Variants in ZNF790 observed in about 807,000 individuals in gnomAD.
ZNF790 encodes the protein zinc finger protein 790.
Under a neutral mutation model 12.1 loss-of-function variants are expected in ZNF790, and 8 were observed. That is an observed-to-expected ratio of 0.66 (90% CI 0.39 to 1.19). The LOEUF is 1.19. ZNF790 is among the 50% of genes most tolerant of loss of function. ZNF790 has a pLI of 0.01. For missense variants in ZNF790, 707 were observed against 752.2 expected, an observed-to-expected ratio of 0.94 and a Z score of 0.70; for synonymous variants, 252 against 244.3, an observed-to-expected ratio of 1.03 and a Z score of -0.29.
chr19:36,823,975 C>T (rs2071734960), intron 2 of ZNF790, among the ~76,000 whole-genome samples, 185 bp from the exon 3 acceptor site: 2 of 148,908 alleles, frequency 1.3e-5, no homozygotes, highest in South Asian at 4.2e-4. Flanking sequence ...GTGACAAAAG[C>T]CAAGTGTCTA....
At position 36,819,004 on chromosome 19, in the gene ZNF790, C is replaced by G. The variant is rs761740560; in HGVS notation, c.1340G>C (p.Arg447Thr). Reference sequence around the variant, plus strand: ...ACATTCCTTACATTCATAGGATTTCCTCTCATTGTGAATTTTCTCATGTTG... The same window carrying G: ...ACATTCCTTACATTCATAGGATTTCGTCTCATTGTGAATTTTCTCATGTTG... ...LAQHEKIHNE[R>T]KSYECKECGK... is the part of the protein sequence containing the mutation. Residue 447 changes from arginine (R) to threonine (T), a missense_variant, in exon 5 of 5, where the codon AGG becomes ACG. Transcript: ENST00000356725. The G allele has an allele frequency of 6.2e-7, 1 of 1,613,208 alleles. No individual in the cohort carries two copies. The highest frequency in any genetic ancestry group is 2.2e-5 in the East Asian group (1 of 44,780).
intron 1 of ZNF790, chr19:36,827,502 TA>T (rs1383880815): frequency 6.5e-6 from 1 of 153,992 alleles, no homozygotes; most frequent in Non-Finnish European, 1.5e-5. Flanking sequence ...GACTAATGTA[TA>T]GGAATAGATT....
chr19:36,844,409 T>C (rs2072158739), intron 1 of ZNF790, among the ~76,000 whole-genome samples: 1 of 149,396 alleles, frequency 6.7e-6, no homozygotes, highest in South Asian at 2.1e-4. Flanking sequence ...TAGACCAAAA[T>C]GTGATCCTGG....
chr19:36,823,969 C>A (rs1600651357), intron 2 of ZNF790, 179 bp from the exon 3 acceptor site: 29 of 359,328 alleles, frequency 8.1e-5, no homozygotes, highest in South Asian at 1.0e-4. Flanking sequence ...ATAAGGGTGA[C>A]AAAAGCCAAG....
chr19:36,824,800 CACAA>C (rs1047899006), intron 2 of ZNF790, among the ~76,000 whole-genome samples: 2 of 151,864 alleles, frequency 1.3e-5, no homozygotes, highest in African/African-American at 2.4e-5. Context: ...CTTTACTGGG[CACAA>C]ACAGACTTGT....
Position 36,818,758 on chromosome 19 carries a change from G to C in ZNF790, c.1586C>G (p.Thr529Ser), listed in dbSNP as rs1285060123. The C allele has an allele frequency of 6.2e-7, 1 of 1,611,070 alleles. No individual in the cohort carries two copies. The highest frequency in any genetic ancestry group is 8.5e-7 in the Non-Finnish European group (1 of 1,178,918). ...TTTACATACGTAAGGTTCCTCACCA[G>C]TATGCATTCTCTGATGTCGAGTAAG... ...SQLTRHQRMH[T>S]GEEPYVCKEC... The change falls in exon 5 of 5, where the codon ACT becomes AGT. Residue 529 changes from threonine to serine, a missense_variant. By Grantham distance (58) the Thr-to-Ser change is moderately conservative. Transcript: ENST00000356725.
rs1287960748 is a variant in ZNF790 at position 36,819,415 on chromosome 19, T to C, written c.929A>G (p.Tyr310Cys). ...HQRIHTGEKP[Y>C]ECNECRKAFS... The stretch of plus-strand genomic sequence containing the variant: ...GGCCTTTCTACATTCATTACATTCA[T>C]AGGGTTTTTCACCAGTATGAATTCT... The change falls in exon 5 of 5, where the codon TAT becomes TGT. Residue 310 changes from tyrosine to cysteine, a missense_variant. Tyr to Cys is a radical substitution (Grantham distance 194). Transcript: ENST00000356725. 1.9e-6 allele frequency: 3 copies of C among 1,610,952 alleles called. No homozygotes were observed. The highest frequency in any genetic ancestry group is 3.4e-5 in the Admixed American group (2 of 59,634).
chr19:36,821,406 G>A (rs1400324893), intron 4 of ZNF790, among the ~76,000 whole-genome samples: 1 of 151,942 alleles, frequency 6.6e-6, no homozygotes, highest in African/African-American at 2.4e-5. Context: ...ATTATAAAAA[G>A]GAATAAAACA....
intron 1 of ZNF790, among the ~76,000 whole-genome samples, chr19:36,834,351 C>A (rs1403332339): frequency 6.7e-6 from 1 of 149,256 alleles, no homozygotes; most frequent in African/African-American, 2.5e-5. Context: ...TCAGATTATA[C>A]AAAGAACTCT....
chr19:36,848,944 C>A (rs2072209938), intron 1 of ZNF790, among the ~76,000 whole-genome samples: 1 of 152,162 alleles, frequency 6.6e-6, no homozygotes. Flanking sequence ...CAGGTGCACA[C>A]CACCACGCCC....
Position 36,818,706 on chromosome 19 carries a change from AC to A in ZNF790, c.1637del (p.Gly546ValfsTer107), listed in dbSNP as rs2071595794. 4 of 1,613,360 alleles carry A rather than the reference AC, an allele frequency of 2.5e-6. No individual in the cohort carries two copies. In the South Asian group the frequency reaches 4.4e-5, roughly 18 times the overall value. On this transcript the variant is annotated frameshift_variant, in exon 5 of 5. Transcript: ENST00000356725. LOFTEE classifies it low-confidence loss of function (END_TRUNC). ...TTTTCTTATGTCGTGTAAGCTGTGA[AC>A]CCCAGATAAAAGATTTCCCACATTC... ...CKECGKSFIW[G>X]SQLTRHKKIH...
intron 1 of ZNF790, among the ~76,000 whole-genome samples, chr19:36,830,888 C>G (rs2146059939): frequency 6.6e-6 from 1 of 152,260 alleles, no homozygotes; most frequent in South Asian, 2.1e-4. Context: ...GCCTGTAATC[C>G]CAGCACTTTG....
chr19:36,840,039 G>T (rs991235777), upstream of ZNF790, among the ~76,000 whole-genome samples: 1 of 152,080 alleles, frequency 6.6e-6, no homozygotes, highest in East Asian at 1.9e-4. Flanking sequence ...CTCCAGTCTG[G>T]GCGACAAGAG....
At chr19:36,834,309 T>C (rs2072001203) in intron 1 of ZNF790, among the ~76,000 whole-genome samples, 1 of 142,512 alleles carries the variant, frequency 7.0e-6, no homozygotes, top group Non-Finnish European at 1.5e-5. Flanking sequence ...GGAGACGATA[T>C]ATACAATACA....
intron 1 of ZNF790, among the ~76,000 whole-genome samples, chr19:36,826,085 TC>T (rs764215547): frequency 6.6e-6 from 1 of 152,220 alleles, no homozygotes; most frequent in Non-Finnish European, 1.5e-5. Context: ...GAATACTGTA[TC>T]CTACCCTCTG....
intron 1 of ZNF790, among the ~76,000 whole-genome samples, chr19:36,844,714 A>G (rs1025345745): frequency 4.6e-5 from 7 of 152,202 alleles, no homozygotes; most frequent in African/African-American, 1.7e-4. Flanking sequence ...AAGACATTTC[A>G]GACAGACCAT....
rs377652324 is a variant in ZNF790, at chr19:36,818,942, G to A, written c.1402C>T (p.His468Tyr). The A allele has an allele frequency of 9.9e-5, 160 of 1,610,002 alleles. 9 individuals carry two copies. The highest frequency in any genetic ancestry group is 6.2e-4 in the East Asian group (28 of 44,860). Residue 468 changes from histidine (H) to tyrosine (Y), a missense_variant, in exon 5 of 5, where the codon CAT becomes TAT. Coordinates refer to ENST00000356725, the MANE Select transcript of ZNF790 (RefSeq NM_206894.4). The part of the protein sequence containing the change: ...TFLHGSEFNR[H>Y]QKIHTGERNY... ...CTCTCACCAGTATGAATTTTCTGAT[G>A]TCGATTAAACTCTGAGCCATGAAGA...
intron 1 of ZNF790, among the ~76,000 whole-genome samples, chr19:36,845,791 C>G (rs1600676065): frequency 6.6e-6 from 1 of 151,544 alleles, no homozygotes; most frequent in South Asian, 2.1e-4. Context: ...TATAAAGAAC[C>G]TAGATTCTTT....
At chr19:36,824,624 C>G (rs1186127781) in intron 2 of ZNF790, among the ~76,000 whole-genome samples, 1 of 152,176 alleles carries the variant, frequency 6.6e-6, no homozygotes, top group Non-Finnish European at 1.5e-5. Flanking sequence ...GTTACCACAT[C>G]TTTATGATCT....
Sources: allele counts gnomAD v4.1 joint callset (sites outside exome capture counted in the v4.1 genomes callset), GRCh38; gene constraint gnomAD v4.1.1; transcripts MANE v1.5; gene names NCBI Gene and HGNC (gene_info 2026-07-23, HGNC 2026-07-21).